The following DMD variants were observed in gnomAD, a reference collection of about 807,000 sequenced individuals.
DMD encodes the protein dystrophin, also known as mutant dystrophin.
Under a neutral mutation model 330.1 loss-of-function variants are expected in DMD, and 63 were observed. The observed-to-expected ratio is 0.19, with a 90% CI of 0.16 to 0.24. The LOEUF (loss-of-function observed/expected upper bound fraction) is 0.24, where lower values mean the gene tolerates loss of function less well. Ranked by LOEUF, DMD falls within the 10% of genes least tolerant of loss-of-function variation. The pLI, the probability that DMD is intolerant of heterozygous loss-of-function variation, is 1.00. For synonymous variants in DMD, 1,223 were observed against 959.8 expected (o/e 1.27, Z -5.07); for missense variants, 3,344 against 2,684.1 (o/e 1.25, Z -5.43).
At chrX:32,164,247 T>C (rs1333981532) in intron 44 of DMD, among the ~76,000 whole-genome samples, 1 of 111,363 alleles carries the variant, frequency 9.0e-6, no homozygotes. Flanking sequence ...AACTGGGTAA[T>C]AGGCAGGGGT....
intron 1 of DMD, among the ~76,000 whole-genome samples, chrX:33,064,380 T>C (rs1281308523): frequency 1.8e-5 from 2 of 111,393 alleles, no homozygotes; most frequent in African/African-American, 6.5e-5. Flanking sequence ...AATCCTTTAA[T>C]TGTTACTTCT....
Position 32,596,448 on chromosome X carries a change from G to A in DMD, c.1483-572C>T, listed in dbSNP as rs958009820. 7.2e-5 allele frequency among the ~76,000 whole-genome samples: 8 copies of A among 111,412 alleles called. 1 individual carries two copies. The highest frequency in any genetic ancestry group is 3.7e-4 in the South Asian group (1 of 2,689). On this transcript the variant is annotated intron_variant, in intron 12 of 78. Coordinates refer to ENST00000357033, the MANE Select transcript of DMD (RefSeq NM_004006.3). ...AAATTCAATAACCATTTGTTATAGCGTCTTACTTGACATGTTGATTACTAA... is the reference window on the plus strand; with the variant it reads ...AAATTCAATAACCATTTGTTATAGCATCTTACTTGACATGTTGATTACTAA...
At chrX:32,836,999 G>A (rs150929545) in intron 4 of DMD, among the ~76,000 whole-genome samples, 1 of 111,324 alleles carries the variant, frequency 9.0e-6, no homozygotes, top group Non-Finnish European at 1.9e-5. Flanking sequence ...CAGAAGAATA[G>A]GAAGGAGTCC....
At chrX:31,469,888 A>C (rs2067166251) in intron 59 of DMD, among the ~76,000 whole-genome samples, 1 of 110,737 alleles carries the variant, frequency 9.0e-6, no homozygotes, top group Non-Finnish European at 1.9e-5. Context: ...TTTTTTCAGT[A>C]ATCTTCTCTT....
intron 60 of DMD, among the ~76,000 whole-genome samples, chrX:31,420,698 T>C (rs1295481378): frequency 8.9e-6 from 1 of 112,468 alleles, no homozygotes; most frequent in East Asian, 2.8e-4. Flanking sequence ...CACTGTGGTG[T>C]CCACATTTCT....
intron 2 of DMD, among the ~76,000 whole-genome samples, chrX:32,851,341 G>T (rs1040786048): frequency 1.8e-5 from 2 of 111,888 alleles, no homozygotes; most frequent in Non-Finnish European, 3.8e-5. Flanking sequence ...TATATACTTA[G>T]ACAAAAATTA....
At chrX:31,386,384 A>T (rs372918674) in intron 60 of DMD, among the ~76,000 whole-genome samples, 27 of 112,035 alleles carry the variant, frequency 2.4e-4, no homozygotes, top group East Asian at 8.4e-4. Context: ...GTAATAATAA[A>T]AAAAAAAGAA....
chrX:32,528,812 T>C (rs1300440913), intron 17 of DMD, among the ~76,000 whole-genome samples: 1 of 110,293 alleles, frequency 9.1e-6, no homozygotes, highest in African/African-American at 3.3e-5. Context: ...ACTCAACCAA[T>C]TGTCAACCAG....
chrX:31,219,567 A>G (rs773720968), intron 64 of DMD, among the ~76,000 whole-genome samples: 1 of 110,557 alleles, frequency 9.0e-6, no homozygotes, highest in East Asian at 2.8e-4. Flanking sequence ...GGACCTGCCC[A>G]GATCCTTCCC....
rs1162841997 is a variant in DMD at position 32,215,362 on chromosome X, C to A, written c.6438+1554G>T. 4.5e-5 allele frequency among the ~76,000 whole-genome samples: 5 copies of A among 110,920 alleles called. No individual in the cohort carries two copies. The Admixed American group carries it at 4.8e-4, about 11-fold the overall frequency. ...TCAAGAGCTTAACTGACTTCAAGAA[C>A]AAGAAACATGAAGAAAACTACACCA... On this transcript the variant is annotated intron_variant, in intron 44 of 78. Transcript: ENST00000357033.
intron 1 of DMD, among the ~76,000 whole-genome samples, chrX:33,033,300 G>T (rs1007908219): frequency 2.8e-5 from 3 of 108,992 alleles, no homozygotes; most frequent in Admixed American, 9.7e-5. Flanking sequence ...TACTAAGATC[G>T]GTGACAGGAC....
intron 52 of DMD, among the ~76,000 whole-genome samples, chrX:31,721,354 A>G (rs962669170): frequency 7.4e-5 from 8 of 107,945 alleles, no homozygotes; most frequent in Non-Finnish European, 1.3e-4. Context: ...GCAGACTTTG[A>G]GTAAAGCAGA....
chrX:33,294,967 A>G (rs934251697), intron 1 of DMD, among the ~76,000 whole-genome samples: 17 of 111,182 alleles, frequency 1.5e-4, no homozygotes, highest in Non-Finnish European at 3.0e-4. Flanking sequence ...GGACATATGA[A>G]AACAACCAGA....
At chrX:32,561,627 G>T (rs1053796542) in intron 16 of DMD, among the ~76,000 whole-genome samples, 13 of 111,319 alleles carry the variant, frequency 1.2e-4, no homozygotes, top group African/African-American at 3.9e-4. Context: ...TAGAAAGCCA[G>T]CCAAACATTC....
At chrX:32,622,670 T>G (rs2058075928) in intron 11 of DMD, among the ~76,000 whole-genome samples, 1 of 111,981 alleles carries the variant, frequency 8.9e-6, no homozygotes, top group African/African-American at 3.2e-5. Context: ...CAGTTTGCTG[T>G]AGTCCTCATC....
chrX:32,368,624 G>A (rs1362158077), intron 34 of DMD, among the ~76,000 whole-genome samples: 1 of 111,748 alleles, frequency 8.9e-6, no homozygotes, highest in Non-Finnish European at 1.9e-5. Flanking sequence ...AACCAACCTA[G>A]AGCTATTGCC....
chrX:31,520,721 C>T (rs752402795), intron 55 of DMD, among the ~76,000 whole-genome samples: 16 of 110,770 alleles, frequency 1.4e-4, no homozygotes, highest in African/African-American at 5.3e-4. Flanking sequence ...GCTCTGTTGC[C>T]CAGGCTGGAG....
intron 67 of DMD, among the ~76,000 whole-genome samples, chrX:31,203,010 G>A (rs904292325): frequency 4.5e-5 from 5 of 111,753 alleles, no homozygotes; most frequent in Admixed American, 9.5e-5. Flanking sequence ...GGCCAGGCAC[G>A]GTGGCTTACG....
intron 77 of DMD, among the ~76,000 whole-genome samples, chrX:31,130,513 C>T (rs1226815569): frequency 8.9e-6 from 1 of 111,875 alleles, no homozygotes; most frequent in Non-Finnish European, 1.9e-5. Flanking sequence ...ATCTAGAGAC[C>T]AACCAGAAAG....
Sources: allele counts gnomAD v4.1 joint callset (sites outside exome capture counted in the v4.1 genomes callset), GRCh38; gene constraint gnomAD v4.1.1; transcripts MANE v1.5; gene names NCBI Gene and HGNC (gene_info 2026-07-23, HGNC 2026-07-21).